Variants in KLHL26 observed in about 807,000 individuals in gnomAD.
The protein encoded by KLHL26 is kelch-like protein 26.
Under a neutral mutation model 7.1 loss-of-function variants are expected in KLHL26, and 4 were observed. The ratio of observed to expected loss-of-function variants is 0.56; its 90% CI spans 0.28 to 1.28. The LOEUF is 1.28. Ranked by LOEUF, KLHL26 falls within the 50% of genes most tolerant of loss-of-function variation. The probability of loss-of-function intolerance (pLI) is 0.11; values close to 1 mark genes in which losing one functional copy is unlikely to be tolerated. For missense variants in KLHL26, 896 were observed against 924.6 expected (o/e 0.97, Z 0.40); for synonymous variants, 465 against 414.1 (o/e 1.12, Z -1.49).
Position 18,669,421 on chromosome 19 carries a change from G to T in KLHL26, c.*176G>T. 1 of 598,510 alleles carries T rather than the reference G, an allele frequency of 1.7e-6. No homozygotes were observed. The highest frequency in any genetic ancestry group is 4.4e-4 in the Middle Eastern group (1 of 2,254). 37.1% of individuals were successfully genotyped at this position (598,510 alleles called of 1,614,324 possible). On this transcript the variant is annotated 3_prime_UTR_variant, in exon 3 of 3. Transcript: ENST00000300976. The stretch of plus-strand genomic sequence containing the variant: ...CCCTCCCTCCCTCCTTCCCAAAGCA[G>T]ATCCTGGCTGCGAGTCCATCCGAGG...
intron 1 of KLHL26, among the ~76,000 whole-genome samples, chr19:18,645,013 T>C (rs1469880152): frequency 1.3e-5 from 2 of 152,166 alleles, no homozygotes; most frequent in African/African-American, 2.4e-5. Context: ...GAAAAGCTTA[T>C]TCTCCTTCCT....
rs117070319 is a variant in KLHL26, at chr19:18,656,784, A to G, written c.84-7477A>G. 0.06 allele frequency among the ~76,000 whole-genome samples: 9,117 copies of G among 151,322 alleles called. 341 individuals are homozygous for G. Among genetic ancestry groups the G allele is most frequent in the Non-Finnish European group, 0.084 (5,711 of 67,740 alleles). On this transcript the variant is annotated intron_variant, in intron 1 of 2. Coordinates refer to ENST00000300976, the MANE Select transcript of KLHL26 (RefSeq NM_018316.3). The surrounding 1 kb of genome is among the most constrained non-coding windows in gnomAD (Gnocchi z 4.4). ...GGCTCTGACCCTGCCTGGCCTGCCC[A>G]GCACGCCTGCCCTCCCAGCACAGGG...
Position 18,667,938 on chromosome 19 carries a change from C to G in KLHL26, c.541C>G (p.Arg181Gly), listed in dbSNP as rs762413416. Residue 181 changes from arginine (R) to glycine (G), a missense_variant, in exon 3 of 3, where the codon CGA becomes GGA. Physicochemically the swap from Arg to Gly is moderately radical, Grantham distance 125. Coordinates refer to ENST00000300976, the MANE Select transcript of KLHL26 (RefSeq NM_018316.3). ...MATTFSLASL[R>G]ESVDAFTFRH... is the part of the protein sequence containing the mutation. ...CACCACCTTCAGCCTGGCCTCGCTG[C>G]GAGAGTCGGTGGATGCCTTCACCTT... is the stretch of plus-strand genomic sequence containing the variant. 2 of 1,610,582 alleles carry G rather than the reference C, an allele frequency of 1.2e-6. No homozygotes were observed. The highest frequency in any genetic ancestry group is 1.7e-5 in the Admixed American group (1 of 60,030).
rs749825267 is a variant in KLHL26 at position 18,667,601 on chromosome 19, T to C, written c.267-63T>C. 10 of 1,561,372 alleles carry C rather than the reference T, an allele frequency of 6.4e-6. No homozygotes were observed. The Admixed American group carries it at 8.8e-5, about 14-fold the overall frequency. ...GGCTACTGTTCCCCAGGCCAGATCA[T>C]TCCTGGCTGGCCAAAACACCCCTCA... On this transcript the variant is annotated intron_variant, in intron 2 of 2. Transcript: ENST00000300976.
chr19:18,667,229 C>T (rs2145411004), intron 2 of KLHL26, among the ~76,000 whole-genome samples: 1 of 152,166 alleles, frequency 6.6e-6, no homozygotes, highest in South Asian at 2.1e-4. Flanking sequence ...ATGATCTCGG[C>T]TCACTGCAAC....
At chr19:18,653,306 A>T (rs1489918257) in intron 1 of KLHL26, among the ~76,000 whole-genome samples, 1 of 150,634 alleles carries the variant, frequency 6.6e-6, no homozygotes, top group Admixed American at 6.6e-5. Context: ...ACCTGTTCAC[A>T]CCTATGTCCA....
rs1023743996 is a variant in KLHL26, at chr19:18,669,257, C to T, written c.*12C>T. On this transcript the variant is annotated 3_prime_UTR_variant, in exon 3 of 3. Transcript: ENST00000300976. ...GGACCAGGAGGTAGCCCCCAAGACC[C>T]CCGGGACCCTGGCCTGACCGCATGT... 1 of 1,599,556 alleles carries T rather than the reference C, an allele frequency of 6.3e-7. No homozygotes were observed. The highest frequency in any genetic ancestry group is 8.5e-7 in the Non-Finnish European group (1 of 1,174,752).
intron 1 of KLHL26, among the ~76,000 whole-genome samples, chr19:18,641,152 G>A (rs957609993): frequency 2.0e-5 from 3 of 151,850 alleles, no homozygotes; most frequent in Non-Finnish European, 4.4e-5. Context: ...TGGAATAAGT[G>A]GGATTACAGG....
chr19:18,668,468 C>T lies in KLHL26; in HGVS notation c.1071C>T (p.Ala357=), dbSNP rs758989708. The T allele has an allele frequency of 9.3e-6, 15 of 1,610,424 alleles. No individual in the cohort carries two copies. The highest frequency in any genetic ancestry group is 2.7e-5 in the African/African-American group (2 of 74,918). Residue 357 remains alanine (A), a synonymous_variant, in exon 3 of 3, where the codon GCC becomes GCT. Coordinates refer to ENST00000300976, the MANE Select transcript of KLHL26 (RefSeq NM_018316.3). ...MEVGCSHTCV[A]VLDNFVYVAG... Reference sequence around the variant, plus strand: ...TAGGCTGCAGCCACACGTGCGTGGCCGTGCTGGACAATTTTGTGTACGTGG... The same window carrying T: ...TAGGCTGCAGCCACACGTGCGTGGCTGTGCTGGACAATTTTGTGTACGTGG...
intron 2 of KLHL26, among the ~76,000 whole-genome samples, chr19:18,666,724 C>T (rs931746260): frequency 6.6e-6 from 1 of 152,202 alleles, no homozygotes; most frequent in Non-Finnish European, 1.5e-5. Context: ...GCACAGCCTC[C>T]TGGTGGGGGC....
intron 1 of KLHL26, among the ~76,000 whole-genome samples, chr19:18,638,160 T>C (rs1437077868): frequency 6.6e-6 from 1 of 152,240 alleles, no homozygotes; most frequent in Non-Finnish European, 1.5e-5. Flanking sequence ...TTTTTCTTGC[T>C]GGTGAGCTTC....
rs140940229 is a variant in KLHL26, at chr19:18,668,888, C to G, written c.1491C>G (p.Pro497=). 3.1e-6 allele frequency: 5 copies of G among 1,599,652 alleles called. No homozygotes were observed. The African/African-American group carries it at 6.7e-5, about 21-fold the overall frequency. The change falls in exon 3 of 3, where the codon CCC becomes CCG. Residue 497 remains proline, a synonymous_variant. Transcript: ENST00000300976. ...QWEFKAPMSE[P]RVLHAMVGAG... ...AGTTCAAGGCGCCCATGAGCGAACCCCGCGTGCTACACGCCATGGTGGGTG... is the reference window on the plus strand; with the variant it reads ...AGTTCAAGGCGCCCATGAGCGAACCGCGCGTGCTACACGCCATGGTGGGTG...
intron 1 of KLHL26, among the ~76,000 whole-genome samples, chr19:18,651,678 C>A (rs1007306031): frequency 6.6e-6 from 1 of 152,280 alleles, no homozygotes. Flanking sequence ...CCTTCTGGGG[C>A]TTCAACACCT....
Position 18,659,202 on chromosome 19 carries a change from C to T in KLHL26, c.84-5059C>T, listed in dbSNP as rs564236995. On this transcript the variant is annotated intron_variant, in intron 1 of 2. Coordinates refer to ENST00000300976, the MANE Select transcript of KLHL26 (RefSeq NM_018316.3). ...TCACTCCCTCTCCGAGTCTCTGTTT[C>T]CCTCTCTTGCTGGATCTCAGACAAG... Among the ~76,000 whole-genome samples, 8 of 152,320 alleles carry T rather than the reference C, an allele frequency of 5.3e-5. 1 individual carries two copies. In the South Asian group the frequency reaches 1.4e-3, roughly 28 times the overall value.
At position 18,663,193 on chromosome 19, in the gene KLHL26, G is replaced by C. The variant is rs375938449; in HGVS notation, c.84-1068G>C. On this transcript the variant is annotated intron_variant, in intron 1 of 2. Coordinates refer to ENST00000300976, the MANE Select transcript of KLHL26 (RefSeq NM_018316.3). ...CACCCTCTAGGACATGCAGTGCCTCGCAGGCAGGGCTGGGGCTTGGGCAAC... is the reference window on the plus strand; with the variant it reads ...CACCCTCTAGGACATGCAGTGCCTCCCAGGCAGGGCTGGGGCTTGGGCAAC... 3.2e-4 allele frequency among the ~76,000 whole-genome samples: 48 copies of C among 152,344 alleles called. No individual in the cohort carries two copies. In the South Asian group the frequency reaches 6.6e-3, roughly 21 times the overall value.
chr19:18,650,556 C>T lies in KLHL26; in HGVS notation c.83+13419C>T, dbSNP rs966477833. 6.6e-6 allele frequency among the ~76,000 whole-genome samples: 1 copy of T among 152,170 alleles called. No homozygotes were observed. The highest frequency in any genetic ancestry group is 2.4e-5 in the African/African-American group (1 of 41,444). ...CTCTGGCTCCCCCTCCTCGGGTCCTCGTGGCTCTCTGTCGTGTGAAGCGGG... is the reference window on the plus strand; with the variant it reads ...CTCTGGCTCCCCCTCCTCGGGTCCTTGTGGCTCTCTGTCGTGTGAAGCGGG... On this transcript the variant is annotated intron_variant, in intron 1 of 2. Transcript: ENST00000300976. This position sits in a 1 kb window ranked among gnomAD's most constrained non-coding sequence, Gnocchi z 4.2.
chr19:18,661,863 C>T (rs1337748962), intron 1 of KLHL26, among the ~76,000 whole-genome samples: 1 of 151,998 alleles, frequency 6.6e-6, no homozygotes, highest in Non-Finnish European at 1.5e-5. Flanking sequence ...GCTCTGCTTG[C>T]TTTCCTGGGA....
In KLHL26 at chr19:18,669,082, A is replaced by G. The variant is rs1568465694; in HGVS notation, c.1685A>G (p.Tyr562Cys). ...TGCTGCCTGCTGGAGAGGAAGATCT[A>G]CATCGTCGGGGGCTACAACTGGCGT... ...AGCCLLERKI[Y>C]IVGGYNWRLN... The change falls in exon 3 of 3, where the codon TAC becomes TGC. Residue 562 changes from tyrosine (Y) to cysteine (C), a missense_variant. Coordinates refer to ENST00000300976, the MANE Select transcript of KLHL26 (RefSeq NM_018316.3). 6.2e-7 allele frequency: 1 copy of G among 1,612,878 alleles called. No individual in the cohort carries two copies. The highest frequency in any genetic ancestry group is 8.5e-7 in the Non-Finnish European group (1 of 1,179,948).
At chr19:18,662,128 A>G (rs1444290455) in intron 1 of KLHL26, among the ~76,000 whole-genome samples, 1 of 152,132 alleles carries the variant, frequency 6.6e-6, no homozygotes, top group Non-Finnish European at 1.5e-5. Context: ...CCCGTGGTGA[A>G]CTTGTCCCAG....
Sources: gnomAD v4.1 joint callset for allele counts (sites outside exome capture counted in the v4.1 genomes callset) on GRCh38, gnomAD v4.1.1 for gene constraint, Gnocchi (gnomAD v3.1) non-coding constraint, MANE v1.5 for transcripts, NCBI Gene and HGNC (gene_info 2026-07-23, HGNC 2026-07-21) for gene names.